The following EP400 variants were observed in gnomAD, a reference collection of about 807,000 sequenced individuals.
The protein encoded by EP400 is E1A binding protein p400.
EP400 carries 105 observed loss-of-function variants against 354.1 expected under a neutral mutation model. The observed-to-expected ratio is 0.30, with a 90% CI of 0.25 to 0.35. EP400 has a LOEUF of 0.35. EP400 is among the 10% of genes least tolerant of loss of function. The pLI is 1.00. For synonymous variants in EP400, 1,646 were observed against 1,716.9 expected (o/e 0.96, Z 1.02); for missense variants, 3,280 against 4,121.0 (o/e 0.80, Z 5.59).
At chr12:131,988,006 T>TTC in intron 7 of EP400, 116 bp downstream of exon 7, 1 of 911,518 alleles carries the variant, frequency 1.1e-6, no homozygotes, top group Non-Finnish European at 1.5e-6. Context: ...TTTTTTTTTT[T>TTC]TTCCCCCAGA....
At chr12:132,012,553 C>A (rs1893801226) in intron 16 of EP400, among the ~76,000 whole-genome samples, 1 of 152,236 alleles carries the variant, frequency 6.6e-6, no homozygotes, top group Non-Finnish European at 1.5e-5. Flanking sequence ...TAGATTTCAA[C>A]ATGAGTTTTG....
At chr12:132,056,743 T>C (rs1895528947) in intron 45 of EP400, among the ~76,000 whole-genome samples, 1 of 152,342 alleles carries the variant, frequency 6.6e-6, no homozygotes, top group South Asian at 2.1e-4. Context: ...AGTTAATACG[T>C]TAGGCGTCAT....
rs529205292 is a variant in EP400 at position 132,067,052 on chromosome 12, C to T, written c.8749+83C>T. On this transcript the variant is annotated intron_variant, in intron 49 of 52. Transcript: ENST00000389561. The surrounding 1 kb of genome is among the most constrained non-coding windows in gnomAD (Gnocchi z 5.3). The stretch of plus-strand genomic sequence containing the variant: ...CTGGTGGCAGTGGTCGCCAGCGACC[C>T]GTGTTCTTTCCTCACACCCACCCAC... 123 of 1,423,764 alleles carry T rather than the reference C, an allele frequency of 8.6e-5. No homozygotes were observed. Among genetic ancestry groups the T allele is most frequent in the Non-Finnish European group, 1.1e-4 (122 of 1,083,368 alleles). 88.2% of individuals were successfully genotyped at this position (1,423,764 alleles called of 1,614,324 possible). A position where few individuals can be genotyped will look rare whatever the true frequency, so the allele number is the denominator to read the frequency against.
rs527629015 is a variant in EP400 at position 132,030,145 on chromosome 12, G to A, written c.5741G>A (p.Ser1914Asn). 11 of 1,614,222 alleles carry A rather than the reference G, an allele frequency of 6.8e-6. No individual in the cohort carries two copies. The African/African-American group carries it at 9.3e-5, about 14-fold the overall frequency. The change falls in exon 29 of 53, where the codon AGT becomes AAT. Residue 1914 changes from serine to asparagine, a missense_variant. Physicochemically the swap from Ser to Asn is conservative, Grantham distance 46. Coordinates refer to ENST00000389561, the MANE Select transcript of EP400 (RefSeq NM_015409.5). The part of the protein sequence containing the change: ...TYVRIDENAS[S>N]EQRQELMRSF... ...GTAAGAATCGATGAAAATGCCAGCA[G>A]TGAGCAACGGCAGGTGAGAAGCACA... is the stretch of plus-strand genomic sequence containing the variant.
chr12:131,979,825 A>G, intron 3 of EP400, 32 bp downstream of exon 3: 1 of 1,554,500 alleles, frequency 6.4e-7, no homozygotes, highest in Non-Finnish European at 8.7e-7. Context: ...GGCCTCGGGA[A>G]TGCCCCCCTC....
chr12:132,057,440 A>G (rs1207833398), intron 45 of EP400, among the ~76,000 whole-genome samples: 1 of 152,236 alleles, frequency 6.6e-6, no homozygotes, highest in Non-Finnish European at 1.5e-5. Context: ...CTCCGTTTCA[A>G]TAACAGAAAA....
In EP400 at chr12:132,045,391, C is replaced by T. The variant is rs1183815540; in HGVS notation, c.6857C>T (p.Thr2286Ile). 1.2e-6 allele frequency: 2 copies of T among 1,614,254 alleles called. No individual in the cohort carries two copies. Among genetic ancestry groups the T allele is most frequent in the South Asian group, 1.1e-5 (1 of 91,084 alleles). ...VPPRSLFDRA[T>I]PGLLKIRREG... The stretch of plus-strand genomic sequence containing the variant: ...CCTCGGTCCCTGTTTGACCGCGCAA[C>T]ACCAGGACTTCTGAAAATTCGCAGA... The change falls in exon 38 of 53, where the codon ACA becomes ATA. Residue 2286 changes from threonine (T) to isoleucine (I), a missense_variant. Thr to Ile is a moderately conservative substitution (Grantham distance 89, BLOSUM62 -1). Coordinates refer to ENST00000389561, the MANE Select transcript of EP400 (RefSeq NM_015409.5).
intron 2 of EP400, among the ~76,000 whole-genome samples, chr12:131,964,403 G>C (rs746486412): frequency 3.2e-4 from 48 of 152,136 alleles, no homozygotes; most frequent in Non-Finnish European, 5.7e-4. Context: ...GGAGGCGGAG[G>C]TTGCAGTGAG....
At chr12:132,001,852 A>C (rs754226532) in intron 12 of EP400, among the ~76,000 whole-genome samples, 9 of 152,206 alleles carry the variant, frequency 5.9e-5, no homozygotes, top group Non-Finnish European at 1.2e-4. Context: ...GGATTATTAT[A>C]ATATTGGAAT....
chr12:132,072,604 C>T (rs1220795885), intron 51 of EP400, among the ~76,000 whole-genome samples: 2 of 152,330 alleles, frequency 1.3e-5, no homozygotes, highest in East Asian at 3.9e-4. Flanking sequence ...AAAAAATGGT[C>T]TGTGTCCTTC....
In EP400 at chr12:132,027,589, C is replaced by T; in HGVS notation, c.5109+58C>T. ...TGGACAGGTAGCTTTCCAAGAGCTGCTCGTTGTGTTTGGTTGTGATATTTA... is the reference window on the plus strand; with the variant it reads ...TGGACAGGTAGCTTTCCAAGAGCTGTTCGTTGTGTTTGGTTGTGATATTTA... On this transcript the variant is annotated intron_variant, in intron 26 of 52. Coordinates refer to ENST00000389561, the MANE Select transcript of EP400 (RefSeq NM_015409.5). This position sits in a 1 kb window ranked among gnomAD's most constrained non-coding sequence, Gnocchi z 4.9. The T allele has an allele frequency of 1.4e-6, 2 of 1,422,498 alleles. No individual in the cohort carries two copies. Among genetic ancestry groups the T allele is most frequent in the Non-Finnish European group, 9.6e-7 (1 of 1,044,012 alleles). 88.1% of individuals were successfully genotyped at this position (1,422,498 alleles called of 1,614,324 possible). A position where few individuals can be genotyped will look rare whatever the true frequency, so the allele number is the denominator to read the frequency against.
rs541620716 is a variant in EP400, at chr12:132,052,777, C to G, written c.7395-369C>G. Among the ~76,000 whole-genome samples the G allele has an allele frequency of 8.5e-5, 13 of 152,202 alleles. No homozygotes were observed. Among genetic ancestry groups the G allele is most frequent in the Non-Finnish European group, 1.8e-4 (12 of 68,036 alleles). ...AGGCACAGTCCCGCCCTCCCTTTACCTCCCTGGAGAGGAACTCGAGGGCAT... is the reference window on the plus strand; with the variant it reads ...AGGCACAGTCCCGCCCTCCCTTTACGTCCCTGGAGAGGAACTCGAGGGCAT... On this transcript the variant is annotated intron_variant, in intron 41 of 52. Transcript: ENST00000389561. This position sits in a 1 kb window ranked among gnomAD's most constrained non-coding sequence, Gnocchi z 4.4.
intron 30 of EP400, among the ~76,000 whole-genome samples, chr12:132,033,195 G>A (rs918587967): frequency 1.3e-5 from 2 of 152,080 alleles, no homozygotes; most frequent in Non-Finnish European, 2.9e-5. Context: ...GTGATCGCCC[G>A]CCTTGGCCTC....
rs112436568 is a variant in EP400, at chr12:132,050,152, G to A, written c.7201-171G>A. 7.6e-3 allele frequency among the ~76,000 whole-genome samples: 1,163 copies of A among 152,304 alleles called. 16 individuals are homozygous for A. The highest frequency in any genetic ancestry group is 0.027 in the African/African-American group (1,107 of 41,552). ...CAGTCGGCCGCGACAGCCACTTAAT[G>A]CCGCTGCTGTTGGGTTATGCCTGAA... On this transcript the variant is annotated intron_variant, in intron 39 of 52. Coordinates refer to ENST00000389561, the MANE Select transcript of EP400 (RefSeq NM_015409.5). This position sits in a 1 kb window ranked among gnomAD's most constrained non-coding sequence, Gnocchi z 4.8.
At chr12:132,053,079 G>C in intron 41 of EP400, 67 bp from the exon 42 acceptor site, 1 of 1,535,332 alleles carries the variant, frequency 6.5e-7, no homozygotes, top group Non-Finnish European at 9.0e-7. Context: ...GGTGTTTCTA[G>C]GGTACGTGGT....
At chr12:131,972,877 G>A (rs1453984375) in intron 2 of EP400, among the ~76,000 whole-genome samples, 3 of 151,830 alleles carry the variant, frequency 2.0e-5, no homozygotes, top group South Asian at 2.1e-4. Context: ...GATTACAGGC[G>A]TGTACCACCA....
chr12:132,066,694 G>A lies in EP400; in HGVS notation c.8554-80G>A. 5 of 1,409,226 alleles carry A rather than the reference G, an allele frequency of 3.5e-6. No homozygotes were observed. The Admixed American group carries it at 1.2e-4, about 34-fold the overall frequency. 87.3% of individuals were successfully genotyped at this position (1,409,226 alleles called of 1,614,324 possible). On this transcript the variant is annotated intron_variant, in intron 48 of 52. Coordinates refer to ENST00000389561, the MANE Select transcript of EP400 (RefSeq NM_015409.5). ...ATCTTTGTAAATTTTCTCATGGCAT[G>A]ACCTCTTGTGGAGAAGTATTTGGAA... is the stretch of plus-strand genomic sequence containing the variant.
chr12:132,045,624 C>A (rs1895069896), intron 38 of EP400, 64 bp downstream of exon 38: 1 of 1,604,350 alleles, frequency 6.2e-7, no homozygotes. Flanking sequence ...CACGTCCGTG[C>A]ATCCAGCTCA....
intron 19 of EP400, among the ~76,000 whole-genome samples, chr12:132,016,955 G>C (rs907353612): frequency 2.0e-5 from 3 of 152,104 alleles, no homozygotes; most frequent in African/African-American, 7.2e-5. Flanking sequence ...TATCACCCCG[G>C]TTTCCTCCCT....
Sources: allele counts gnomAD v4.1 joint callset (sites outside exome capture counted in the v4.1 genomes callset), GRCh38; gene constraint gnomAD v4.1.1; non-coding constraint Gnocchi (gnomAD v3.1); transcripts MANE v1.5; gene names NCBI Gene and HGNC (gene_info 2026-07-23, HGNC 2026-07-21).